DYSF: variants seen among roughly 807,000 people sequenced by gnomAD.
DYSF encodes the protein dystrophy-associated fer-1-like 1.
In DYSF, 212 loss-of-function variants were observed where a neutral mutation model predicts 274.9. That is an observed-to-expected ratio of 0.77 (90% CI 0.69 to 0.86). The LOEUF (loss-of-function observed/expected upper bound fraction) is 0.86, where lower values mean the gene tolerates loss of function less well. Among genes scored for constraint, DYSF ranks in the 40% least tolerant of loss-of-function variants. DYSF has a pLI of 0.00. For missense variants in DYSF, 2,666 were observed against 2,783.2 expected (o/e 0.96, Z 0.95); for synonymous variants, 1,091 against 1,078.7 (o/e 1.01, Z -0.22).
intron 1 of DYSF, among the ~76,000 whole-genome samples, chr2:71,459,502 A>G (rs1347089967): frequency 1.3e-5 from 2 of 151,970 alleles, no homozygotes; most frequent in African/African-American, 4.8e-5. Context: ...TGAGGGGGGG[A>G]CACCTGGTCT....
intron 17 of DYSF, among the ~76,000 whole-genome samples, chr2:71,543,584 G>A (rs182272358): frequency 2.8e-4 from 43 of 152,344 alleles, no homozygotes; most frequent in African/African-American, 9.1e-4. Context: ...TGAGCACTGA[G>A]TGAACGAGAC....
In DYSF at chr2:71,561,732, C is replaced by T. The variant is rs374013027; in HGVS notation, c.2217-20C>T. On this transcript the variant is annotated intron_variant, in intron 22 of 55. Coordinates refer to ENST00000410020, the MANE Select transcript of DYSF (RefSeq NM_001130987.2). ...AGCCCTGGGCTCATCAGGCGCATTCCATCTGTCCGTCCCTCACAGCCAGCC... is the reference window on the plus strand; with the variant it reads ...AGCCCTGGGCTCATCAGGCGCATTCTATCTGTCCGTCCCTCACAGCCAGCC... The T allele has an allele frequency of 7.7e-5, 124 of 1,613,982 alleles. 1 individual carries two copies. In the South Asian group the frequency reaches 7.7e-4, roughly 10 times the overall value.
At chr2:71,673,220 C>T (rs188865287) in intron 51 of DYSF, among the ~76,000 whole-genome samples, 1 of 152,340 alleles carries the variant, frequency 6.6e-6, no homozygotes, top group East Asian at 1.9e-4. Context: ...AAACAGAGAA[C>T]AAGACTGCGC....
intron 1 of DYSF, among the ~76,000 whole-genome samples, chr2:71,458,533 T>C (rs563956372): frequency 6.6e-6 from 1 of 152,340 alleles, no homozygotes; most frequent in South Asian, 2.1e-4. Flanking sequence ...TTTGGCCACC[T>C]GCCTGATGGC....
At chr2:71,557,574 G>A (rs977424615) in intron 22 of DYSF, among the ~76,000 whole-genome samples, 1 of 152,062 alleles carries the variant, frequency 6.6e-6, no homozygotes, top group African/African-American at 2.4e-5. Context: ...CAGGGGAGGG[G>A]AGACTGGACA....
chr2:71,520,963 G>A (rs1376352650), intron 12 of DYSF, 59 bp downstream of exon 12: 3 of 1,424,730 alleles, frequency 2.1e-6, no homozygotes, highest in Non-Finnish European at 2.0e-6. Context: ...GGTTGCGGAG[G>A]CACCAAACCA....
intron 22 of DYSF, among the ~76,000 whole-genome samples, chr2:71,560,549 C>T (rs1169482568): frequency 6.6e-6 from 1 of 152,042 alleles, no homozygotes; most frequent in Non-Finnish European, 1.5e-5. Context: ...CTGAGACAGG[C>T]CCCGGGGCTT....
chr2:71,598,800 G>C, intron 33 of DYSF, 55 bp downstream of exon 33: 1 of 1,596,698 alleles, frequency 6.3e-7, no homozygotes, highest in Non-Finnish European at 8.5e-7. Flanking sequence ...CATGTGCAAA[G>C]GTGGGGTCTC....
At chr2:71,549,250 C>A in intron 17 of DYSF, 1 of 1,181,284 alleles carries the variant, frequency 8.5e-7, no homozygotes. Flanking sequence ...GTCTTTCCAT[C>A]TGTCTGCCTG....
intron 3 of DYSF, among the ~76,000 whole-genome samples, chr2:71,494,493 C>T (rs553165092): frequency 2.0e-5 from 3 of 152,224 alleles, no homozygotes; most frequent in Non-Finnish European, 4.4e-5. Context: ...CTAAACTTAG[C>T]ATCCATGGAT....
At chr2:71,539,122 C>A in intron 16 of DYSF, 35 bp from the exon 17 acceptor site, 2 of 1,595,836 alleles carry the variant, frequency 1.3e-6, no homozygotes, top group South Asian at 2.2e-5. Flanking sequence ...CAGTTCCTTT[C>A]CTGTGTTCAG....
chr2:71,542,685 TG>T (rs1159144631), intron 17 of DYSF, among the ~76,000 whole-genome samples: 1 of 152,134 alleles, frequency 6.6e-6, no homozygotes, highest in Non-Finnish European at 1.5e-5. Flanking sequence ...AGCACCGGGT[TG>T]GGGGTAAGGT....
At chr2:71,633,589 A>T (rs534896529) in intron 41 of DYSF, among the ~76,000 whole-genome samples, 2 of 152,304 alleles carry the variant, frequency 1.3e-5, no homozygotes, top group East Asian at 3.9e-4. Context: ...TATCTTGATG[A>T]TGATGATTTG....
chr2:71,554,888 C>T (rs62143853), intron 21 of DYSF, among the ~76,000 whole-genome samples: 2 of 151,972 alleles, frequency 1.3e-5, no homozygotes, highest in South Asian at 2.1e-4. Flanking sequence ...GGAGGCTGGG[C>T]GGGAAGCTGA....
At chr2:71,668,639 C>T in intron 48 of DYSF, 115 bp from the exon 49 acceptor site, 1 of 1,007,110 alleles carries the variant, frequency 9.9e-7, no homozygotes, top group Non-Finnish European at 1.5e-6. Context: ...GAGGCTTTCT[C>T]TGGAAGGGCC....
chr2:71,511,982 C>A, intron 5 of DYSF, 61 bp downstream of exon 5: 1 of 1,111,368 alleles, frequency 9.0e-7, no homozygotes, highest in Non-Finnish European at 1.3e-6. Flanking sequence ...GGCACTTGAG[C>A]CTGGGGGCTG....
chr2:71,556,503 G>A (rs1046296026), intron 22 of DYSF, among the ~76,000 whole-genome samples: 1 of 152,212 alleles, frequency 6.6e-6, no homozygotes, highest in Non-Finnish European at 1.5e-5. Flanking sequence ...GGCCCGGGGT[G>A]TGGAGGCCCA....
At chr2:71,478,402 G>A (rs1427977018) in intron 1 of DYSF, among the ~76,000 whole-genome samples, 2 of 151,682 alleles carry the variant, frequency 1.3e-5, no homozygotes, top group Non-Finnish European at 1.5e-5. Flanking sequence ...TAGTAGAGAT[G>A]GGGTTTCACC....
intron 14 of DYSF, among the ~76,000 whole-genome samples, chr2:71,532,630 T>C (rs1269328150): frequency 6.6e-6 from 1 of 152,028 alleles, no homozygotes; most frequent in Non-Finnish European, 1.5e-5. Context: ...GTTGAAGTGT[T>C]TGCGATGGAG....
Sources: gnomAD v4.1 joint callset for allele counts (sites outside exome capture counted in the v4.1 genomes callset) on GRCh38, gnomAD v4.1.1 for gene constraint, MANE v1.5 for transcripts, NCBI Gene and HGNC (gene_info 2026-07-23, HGNC 2026-07-21) for gene names.